The following PUM1 variants were observed in gnomAD, a reference collection of about 807,000 sequenced individuals.
PUM1 encodes pumilio RNA binding family member 1.
A neutral mutation model predicts 131.8 loss-of-function variants in PUM1; 13 were observed. That is an observed-to-expected ratio of 0.10 (90% CI 0.06 to 0.16). PUM1 has a LOEUF of 0.16. Among genes scored for constraint, PUM1 ranks in the 10% least tolerant of loss-of-function variants. The probability of loss-of-function intolerance (pLI) is 1.00; values close to 1 mark genes in which losing one functional copy is unlikely to be tolerated. For synonymous variants in PUM1, 509 were observed against 556.5 expected (o/e 0.91, Z 1.20); for missense variants, 961 against 1,512.4 (o/e 0.64, Z 6.05).
rs1034898260 is a variant in PUM1 at position 30,975,351 on chromosome 1, T to G, written c.1355-549A>C. ...TCAAAGTTGCTGTTACTGTTTGTTTTTTTTGTTTTTTTGTTTTTTGAGACA... is the reference window on the plus strand; with the variant it reads ...TCAAAGTTGCTGTTACTGTTTGTTTGTTTTGTTTTTTTGTTTTTTGAGACA... On this transcript the variant is annotated intron_variant, in intron 9 of 21. Coordinates refer to ENST00000426105, the MANE Select transcript of PUM1 (RefSeq NM_001020658.2). Among the ~76,000 whole-genome samples, 96 of 123,726 alleles carry G rather than the reference T, an allele frequency of 7.8e-4. 1 individual carries two copies. In the Admixed American group the frequency reaches 8.1e-3, roughly 10 times the overall value. 81.2% of individuals were successfully genotyped at this position (123,726 alleles called of 152,430 possible).
chr1:30,941,197 C>G lies in PUM1; in HGVS notation c.3196G>C (p.Glu1066Gln). 2 of 1,613,822 alleles carry G rather than the reference C, an allele frequency of 1.2e-6. No homozygotes were observed. Among genetic ancestry groups the G allele is most frequent in the Non-Finnish European group, 8.5e-7 (1 of 1,179,816 alleles). ...RPEDKSKIVA[E>Q]IRGNVLVLSQ... ...AATACAAGTACATTGCCTCGGATTT[C>G]TGCTACAATTTTGCTTTTATCCTCA... Residue 1066 changes from glutamate (E) to glutamine (Q), a missense_variant, in exon 20 of 22, where the codon GAA becomes CAA. Coordinates refer to ENST00000426105, the MANE Select transcript of PUM1 (RefSeq NM_001020658.2).
At chr1:30,995,014 T>A in intron 6 of PUM1, 40 bp downstream of exon 6, 1 of 1,580,796 alleles carries the variant, frequency 6.3e-7, no homozygotes, top group Non-Finnish European at 8.6e-7. Context: ...CAAAATCCCA[T>A]AGCCCATATT....
chr1:30,968,380 C>A lies in PUM1; in HGVS notation c.1619G>T (p.Gly540Val). The change falls in exon 11 of 22, where the codon GGA becomes GTA. Residue 540 changes from glycine (G) to valine (V), a missense_variant. This residue lies in a region of PUM1 where 654 missense variants were observed against 923.9 expected (regional missense o/e 0.71). Transcript: ENST00000426105. ...TGGCATGCCTGCTGCCAGACCTTGT[C>A]CAAATGCAAGGGCAGAATTCACTGC... ...AAAVNSALAF[G>V]QGLAAGMPGY... is the part of the protein sequence containing the mutation. 1 of 1,586,592 alleles carries A rather than the reference C, an allele frequency of 6.3e-7. No individual in the cohort carries two copies. The highest frequency in any genetic ancestry group is 8.6e-7 in the Non-Finnish European group (1 of 1,165,372).
At chr1:31,040,647 A>T (rs1288844471) in intron 2 of PUM1, among the ~76,000 whole-genome samples, 4 of 152,222 alleles carry the variant, frequency 2.6e-5, no homozygotes, top group Admixed American at 2.6e-4. Flanking sequence ...ATGCGAAGGC[A>T]TATGCCTGTA....
chr1:31,057,072 C>T lies in PUM1; in HGVS notation c.363+2132G>A, dbSNP rs574381991. Among the ~76,000 whole-genome samples the T allele has an allele frequency of 9.2e-5, 14 of 152,238 alleles. No homozygotes were observed. In the South Asian group the frequency reaches 2.9e-3, roughly 32 times the overall value. ...CCTCCCAAAGTGCTGGGATTACAGG[C>T]ATGAGCCACTGCACCCAGCCTGTCT... On this transcript the variant is annotated intron_variant, in intron 2 of 21. Coordinates refer to ENST00000426105, the MANE Select transcript of PUM1 (RefSeq NM_001020658.2).
intron 2 of PUM1, among the ~76,000 whole-genome samples, chr1:31,032,876 C>T (rs137938394): frequency 0.1 from 15,440 of 152,050 alleles, 1,122 homozygotes; most frequent in Admixed American, 0.21. Flanking sequence ...GAGGCTAAGG[C>T]GGGCAGATCA....
At chr1:31,003,343 A>G (rs1642282650) in intron 5 of PUM1, among the ~76,000 whole-genome samples, 1 of 152,226 alleles carries the variant, frequency 6.6e-6, no homozygotes, top group Non-Finnish European at 1.5e-5. Flanking sequence ...GCATACTATG[A>G]CAAAAATAAA....
intron 3 of PUM1, among the ~76,000 whole-genome samples, chr1:31,019,445 G>A (rs924018359): frequency 1.3e-5 from 2 of 152,162 alleles, no homozygotes; most frequent in South Asian, 4.1e-4. Context: ...ACTTCAAAAC[G>A]CACAGGGGTT....
rs548491509 is a variant in PUM1 at position 30,972,850 on chromosome 1, C to T, written c.1506+1801G>A. On this transcript the variant is annotated intron_variant, in intron 10 of 21. Transcript: ENST00000426105. ...ATCACAGCACTTTGGGAGGCCGAGA[C>T]GGGTGGATCACCTGAGGTCAGGAGT... Among the ~76,000 whole-genome samples the T allele has an allele frequency of 5.3e-5, 8 of 151,396 alleles. No individual in the cohort carries two copies. In the South Asian group the frequency reaches 1.0e-3, roughly 20 times the overall value.
chr1:31,032,085 T>C (rs1472568246), intron 2 of PUM1, among the ~76,000 whole-genome samples: 4 of 152,184 alleles, frequency 2.6e-5, no homozygotes, highest in Non-Finnish European at 5.9e-5. Context: ...TTCTAAGAGT[T>C]TTGCTAGTGC....
intron 2 of PUM1, among the ~76,000 whole-genome samples, chr1:31,050,339 G>C (rs894260081): frequency 2.0e-5 from 3 of 152,008 alleles, no homozygotes; most frequent in Admixed American, 2.0e-4. Flanking sequence ...ACAAAAATTA[G>C]CCAGGCATGG....
chr1:31,037,958 A>G (rs1643668564), intron 2 of PUM1, among the ~76,000 whole-genome samples: 1 of 151,840 alleles, frequency 6.6e-6, no homozygotes, highest in Non-Finnish European at 1.5e-5. Flanking sequence ...AGGGGCCTGT[A>G]GTCCCAGCTA....
chr1:30,989,021 C>T (rs1176733472), intron 7 of PUM1, among the ~76,000 whole-genome samples: 1 of 152,154 alleles, frequency 6.6e-6, no homozygotes, highest in Non-Finnish European at 1.5e-5. Flanking sequence ...TAAACTCACA[C>T]TAACCACAAA....
rs771509421 is a variant in PUM1, at chr1:31,028,820, A to G, written c.408T>C (p.Ala136=). 13 of 1,614,040 alleles carry G rather than the reference A, an allele frequency of 8.1e-6. No homozygotes were observed. In the South Asian group the frequency reaches 1.1e-4, roughly 14 times the overall value. The change falls in exon 3 of 22, where the codon GCT becomes GCC. Residue 136 remains alanine (A), a synonymous_variant. Coordinates refer to ENST00000426105, the MANE Select transcript of PUM1 (RefSeq NM_001020658.2). ...CCTCTCCCATCGCTCTTCCCTCCAGAGCAAGTGCTTGAAAATCATGATTCA... is the reference window on the plus strand; with the variant it reads ...CCTCTCCCATCGCTCTTCCCTCCAGGGCAAGTGCTTGAAAATCATGATTCA... The part of the protein sequence containing the change: ...DELNHDFQAL[A]LEGRAMGEQL...
intron 7 of PUM1, among the ~76,000 whole-genome samples, chr1:30,991,872 T>G (rs1372884097): frequency 6.6e-6 from 1 of 152,210 alleles, no homozygotes; most frequent in Non-Finnish European, 1.5e-5. Flanking sequence ...AGTTGAATGA[T>G]TTGTGTGTGT....
rs1309770407 is a variant in PUM1 at position 30,933,189 on chromosome 1, G to C, written c.*22C>G. The C allele has an allele frequency of 1.9e-6, 3 of 1,597,624 alleles. No individual in the cohort carries two copies. The highest frequency in any genetic ancestry group is 2.6e-6 in the Non-Finnish European group (3 of 1,171,894). On this transcript the variant is annotated 3_prime_UTR_variant, in exon 22 of 22. Transcript: ENST00000426105. ...GGGCCAGTGAGGTCAGCGGGAATGAGGGAACAGCGGGTGACACTGCCTCAG... is the reference window on the plus strand; with the variant it reads ...GGGCCAGTGAGGTCAGCGGGAATGACGGAACAGCGGGTGACACTGCCTCAG...
chr1:31,032,028 C>T (rs953631684), intron 2 of PUM1, among the ~76,000 whole-genome samples: 2 of 152,180 alleles, frequency 1.3e-5, no homozygotes, highest in South Asian at 4.1e-4. Flanking sequence ...GTATACCACC[C>T]TCCTGCCCTA....
At chr1:31,029,598 A>C (rs1466761827) in intron 2 of PUM1, among the ~76,000 whole-genome samples, 1 of 152,232 alleles carries the variant, frequency 6.6e-6, no homozygotes, top group Non-Finnish European at 1.5e-5. Flanking sequence ...TAATTCAACT[A>C]GTTTACTGGT....
intron 15 of PUM1, 74 bp from the exon 16 acceptor site, chr1:30,952,437 A>G: frequency 1.2e-6 from 2 of 1,603,084 alleles, no homozygotes; most frequent in South Asian, 2.2e-5. Context: ...ACCTCGGTTT[A>G]TAGACTGCAT....
Sources: allele counts gnomAD v4.1 joint callset (sites outside exome capture counted in the v4.1 genomes callset), GRCh38; gene constraint gnomAD v4.1.1; regional missense constraint gnomAD v4.1.1; transcripts MANE v1.5; gene names NCBI Gene and HGNC (gene_info 2026-07-23, HGNC 2026-07-21).